Variants in IL1RAPL1 observed in about 807,000 individuals in gnomAD.
IL1RAPL1 encodes the protein interleukin-1 receptor accessory protein-like 1.
A neutral mutation model predicts 48.4 loss-of-function variants in IL1RAPL1; 3 were observed. The ratio of observed to expected loss-of-function variants is 0.06; its 90% confidence interval spans 0.03 to 0.16. The LOEUF (loss-of-function observed/expected upper bound fraction) is 0.16, where lower values mean the gene tolerates loss of function less well. IL1RAPL1 is among the 10% of genes least tolerant of loss of function. The pLI, the probability that IL1RAPL1 is intolerant of heterozygous loss-of-function variation, is 1.00. For missense variants in IL1RAPL1, 349 were observed against 530.6 expected, an observed-to-expected ratio of 0.66 and a Z score of 3.36; for synonymous variants, 185 against 187.7, an observed-to-expected ratio of 0.99 and a Z score of 0.12.
intron 5 of IL1RAPL1, among the ~76,000 whole-genome samples, chrX:29,431,334 A>C (rs1391794059): frequency 8.9e-6 from 1 of 111,937 alleles, no homozygotes; most frequent in Admixed American, 9.5e-5. Context: ...AAGCACATAG[A>C]ATATTGCAAA....
chrX:29,153,819 A>G (rs1437360765), intron 2 of IL1RAPL1, among the ~76,000 whole-genome samples: 6 of 112,407 alleles, frequency 5.3e-5, no homozygotes, highest in Middle Eastern at 4.6e-3. Context: ...GTGGTTAGGG[A>G]CATTAGAAGG....
chrX:28,787,980 C>T (rs1936491243), intron 1 of IL1RAPL1, among the ~76,000 whole-genome samples: 1 of 111,438 alleles, frequency 9.0e-6, no homozygotes, highest in African/African-American at 3.3e-5. Context: ...ATGGTGGTGG[C>T]CAAGGGCTGG....
intron 8 of IL1RAPL1, among the ~76,000 whole-genome samples, chrX:29,929,408 G>C (rs1932920837): frequency 8.9e-6 from 1 of 111,815 alleles, no homozygotes. Flanking sequence ...AATCTTGAAA[G>C]AGCATATATG....
At chrX:29,294,373 A>T (rs1435500501) in intron 3 of IL1RAPL1, among the ~76,000 whole-genome samples, 3 of 109,359 alleles carry the variant, frequency 2.7e-5, no homozygotes, top group Non-Finnish European at 5.7e-5. Flanking sequence ...CTAGAAATAC[A>T]AAAAATGAGC....
chrX:29,059,285 C>A (rs1927291388), intron 2 of IL1RAPL1, among the ~76,000 whole-genome samples: 1 of 111,601 alleles, frequency 9.0e-6, no homozygotes, highest in Non-Finnish European at 1.9e-5. Flanking sequence ...GCAAAGATAA[C>A]AGAATTTTGT....
At chrX:29,298,158 T>C (rs186252889) in intron 3 of IL1RAPL1, among the ~76,000 whole-genome samples, 1 of 112,416 alleles carries the variant, frequency 8.9e-6, no homozygotes, top group Admixed American at 9.4e-5. Flanking sequence ...ATCTATTCTA[T>C]GCAAGCCATT....
At chrX:28,789,114 T>C (rs1383578656) in intron 1 of IL1RAPL1, among the ~76,000 whole-genome samples, 3 of 111,782 alleles carry the variant, frequency 2.7e-5, no homozygotes, top group East Asian at 2.8e-4. Flanking sequence ...GTGAGGGCTA[T>C]GGAGGCATAA....
At chrX:28,974,576 C>G (rs754592895) in intron 2 of IL1RAPL1, among the ~76,000 whole-genome samples, 15 of 111,888 alleles carry the variant, frequency 1.3e-4, no homozygotes, top group African/African-American at 1.6e-4. Flanking sequence ...CTGATAATAT[C>G]TTTTTATAGC....
At chrX:28,909,827 C>T (rs1295761221) in intron 2 of IL1RAPL1, among the ~76,000 whole-genome samples, 1 of 111,366 alleles carries the variant, frequency 9.0e-6, no homozygotes, top group Non-Finnish European at 1.9e-5. Context: ...GCAAACTCAC[C>T]AAAAGCCCTC....
At chrX:29,097,137 G>C (rs866286557) in intron 2 of IL1RAPL1, among the ~76,000 whole-genome samples, 2 of 110,751 alleles carry the variant, frequency 1.8e-5, no homozygotes, top group Non-Finnish European at 3.8e-5. Flanking sequence ...ATACTTTATA[G>C]CTTCCTCCTA....
chrX:29,810,339 A>C (rs867282728), intron 6 of IL1RAPL1, among the ~76,000 whole-genome samples: 2 of 109,785 alleles, frequency 1.8e-5, no homozygotes, highest in Non-Finnish European at 3.8e-5. Flanking sequence ...ACAGGTGTCC[A>C]CCACCACGCC....
chrX:29,288,015 A>G (rs1472545240), intron 3 of IL1RAPL1, among the ~76,000 whole-genome samples: 2 of 111,838 alleles, frequency 1.8e-5, no homozygotes, highest in African/African-American at 3.2e-5. Flanking sequence ...TTTATTTTTT[A>G]TTTTTAAGAT....
chrX:29,220,671 C>A (rs1314915726), intron 2 of IL1RAPL1, among the ~76,000 whole-genome samples: 1 of 111,888 alleles, frequency 8.9e-6, no homozygotes, highest in South Asian at 3.7e-4. Flanking sequence ...AGCAGAAAAT[C>A]TAACATAATA....
At chrX:29,016,295 T>A (rs758456977) in intron 2 of IL1RAPL1, among the ~76,000 whole-genome samples, 4 of 111,676 alleles carry the variant, frequency 3.6e-5, no homozygotes, top group Admixed American at 9.6e-5. Context: ...CTTTGGCTAA[T>A]ATATAGCTTA....
At chrX:29,519,849 A>G (rs956785720) in intron 5 of IL1RAPL1, among the ~76,000 whole-genome samples, 2 of 111,724 alleles carry the variant, frequency 1.8e-5, no homozygotes, top group East Asian at 2.8e-4. Flanking sequence ...AGAGGTCCCC[A>G]GCAGGGTTGA....
At chrX:29,764,167 G>A (rs1928822180) in intron 6 of IL1RAPL1, among the ~76,000 whole-genome samples, 1 of 111,352 alleles carries the variant, frequency 9.0e-6, no homozygotes, top group Non-Finnish European at 1.9e-5. Flanking sequence ...TGAAGTTTCA[G>A]TGGTTTTCAT....
intron 1 of IL1RAPL1, among the ~76,000 whole-genome samples, chrX:28,617,848 A>G (rs955504638): frequency 8.9e-6 from 1 of 112,210 alleles, no homozygotes; most frequent in Non-Finnish European, 1.9e-5. Flanking sequence ...AAATTTTTCA[A>G]AGCATTTTAA....
At chrX:29,840,453 G>A (rs1931114227) in intron 6 of IL1RAPL1, among the ~76,000 whole-genome samples, 1 of 111,891 alleles carries the variant, frequency 8.9e-6, no homozygotes, top group Non-Finnish European at 1.9e-5. Flanking sequence ...GAAGACGATA[G>A]AAATGAAAAC....
In IL1RAPL1 at chrX:29,283,091, G is replaced by A; in HGVS notation, c.236G>A (p.Ser79Asn). The A allele has an allele frequency of 2.5e-6, 3 of 1,211,797 alleles. No individual in the cohort carries two copies. The highest frequency in any genetic ancestry group is 3.4e-6 in the Non-Finnish European group (3 of 895,522). Residue 79 changes from serine to asparagine, a missense_variant, in exon 3 of 11, where the codon AGT becomes AAT. By Grantham distance (46) the Ser-to-Asn change is conservative. Transcript: ENST00000378993. Reference protein sequence around the residue: ...SAGLSLMWYKSSGPGDFEEPI... With the variant: ...SAGLSLMWYKNSGPGDFEEPI... ...GGACTCAGTTTGATGTGGTACAAAA[G>A]TTCTGGTCCTGGAGACTTTGAAGAG... is the stretch of plus-strand genomic sequence containing the variant.
Sources: gnomAD v4.1 joint callset for allele counts (sites outside exome capture counted in the v4.1 genomes callset) on GRCh38, gnomAD v4.1.1 for gene constraint, MANE v1.5 for transcripts, NCBI Gene and HGNC (gene_info 2026-07-23, HGNC 2026-07-21) for gene names.